The following RNFT2 variants were observed in gnomAD, a reference collection of about 807,000 sequenced individuals.
RNFT2 encodes the protein E3 ubiquitin-protein ligase RNFT2.
In RNFT2, 36 loss-of-function variants were observed where a neutral mutation model predicts 53.0. The observed-to-expected ratio is 0.68, with a 90% CI of 0.52 to 0.90. The LOEUF is 0.90. Ranked by LOEUF, RNFT2 falls within the 40% of genes least tolerant of loss-of-function variation. The probability of loss-of-function intolerance (pLI) is 0.00; values close to 1 mark genes in which losing one functional copy is unlikely to be tolerated. For synonymous variants in RNFT2, 260 were observed against 253.2 expected, an observed-to-expected ratio of 1.03 and a Z score of -0.26; for missense variants, 514 against 585.6, an observed-to-expected ratio of 0.88 and a Z score of 1.26.
chr12:116,743,723 C>G (rs1401466438), intron 3 of RNFT2, among the ~76,000 whole-genome samples: 1 of 152,198 alleles, frequency 6.6e-6, no homozygotes, highest in Non-Finnish European at 1.5e-5. Flanking sequence ...CCCCCTGCGA[C>G]TCTGGGGTTG....
chr12:116,831,822 G>A (rs1876667874), intron 7 of RNFT2, among the ~76,000 whole-genome samples: 1 of 151,752 alleles, frequency 6.6e-6, no homozygotes, highest in Non-Finnish European at 1.5e-5. Context: ...TCCCAATCAA[G>A]ATATAAAATA....
intron 7 of RNFT2, among the ~76,000 whole-genome samples, chr12:116,826,037 A>G (rs981181031): frequency 6.6e-6 from 1 of 152,152 alleles, no homozygotes; most frequent in African/African-American, 2.4e-5. Flanking sequence ...GAAGCTGCTG[A>G]CAGATACTTG....
Position 116,811,572 on chromosome 12 carries a change from C to T in RNFT2, c.883-22220C>T, listed in dbSNP as rs375312021. Among the ~76,000 whole-genome samples the T allele has an allele frequency of 1.1e-4, 16 of 152,282 alleles. No individual in the cohort carries two copies. The South Asian group carries it at 1.9e-3, about 18-fold the overall frequency. On this transcript the variant is annotated intron_variant, in intron 7 of 10. Coordinates refer to ENST00000257575, the MANE Select transcript of RNFT2 (RefSeq NM_001382266.1). The stretch of plus-strand genomic sequence containing the variant: ...TGTATTTTTAGTAGAGACGAGTTTT[C>T]GCCATGTTGGCCAGGCTGATCTTAA...
At chr12:116,845,929 C>T (rs955972271) in intron 10 of RNFT2, among the ~76,000 whole-genome samples, 1 of 152,134 alleles carries the variant, frequency 6.6e-6, no homozygotes, top group Non-Finnish European at 1.5e-5. Context: ...CTATCCCATC[C>T]CCTCTCTTCT....
chr12:116,837,478 G>T (rs991779998), intron 10 of RNFT2, among the ~76,000 whole-genome samples: 1 of 152,296 alleles, frequency 6.6e-6, no homozygotes, highest in Middle Eastern at 3.4e-3. Context: ...AGGCTTACGG[G>T]TAGGGGGATA....
At chr12:116,745,847 G>A (rs1871867640) in intron 3 of RNFT2, among the ~76,000 whole-genome samples, 2 of 152,186 alleles carry the variant, frequency 1.3e-5, no homozygotes, top group South Asian at 2.1e-4. Context: ...GGGTGGTAAA[G>A]ATACAGTGGG....
intron 7 of RNFT2, among the ~76,000 whole-genome samples, chr12:116,830,226 A>G (rs184287239): frequency 6.6e-5 from 10 of 152,302 alleles, no homozygotes; most frequent in African/African-American, 2.4e-4. Context: ...CTACTAACCT[A>G]AAGACCTCAT....
intron 7 of RNFT2, among the ~76,000 whole-genome samples, chr12:116,788,983 TGGG>T (rs1874073770): frequency 7.2e-6 from 1 of 138,476 alleles, no homozygotes; most frequent in African/African-American, 2.8e-5. Flanking sequence ...GATGGATGGA[TGGG>T]TAGATAAATG....
At position 116,852,663 on chromosome 12, in the gene RNFT2, G is replaced by T; in HGVS notation, c.*3215G>T. 2 of 1,614,014 alleles carry T rather than the reference G, an allele frequency of 1.2e-6. No homozygotes were observed. Among genetic ancestry groups the T allele is most frequent in the Non-Finnish European group, 1.7e-6 (2 of 1,179,886 alleles). On this transcript the variant is annotated 3_prime_UTR_variant, in exon 11 of 11. Transcript: ENST00000257575. ...TCCTGCCTGCAGATGCTGTTGAAGG[G>T]GCACAAGAAATTGGAGCTGGAGAAG...
chr12:116,756,916 G>A (rs980920428), intron 5 of RNFT2, among the ~76,000 whole-genome samples: 14 of 152,008 alleles, frequency 9.2e-5, no homozygotes, highest in South Asian at 2.1e-4. Context: ...CCAATTCTTC[G>A]AATGTCTGGT....
chr12:116,841,459 A>C (rs76788182), intron 10 of RNFT2, among the ~76,000 whole-genome samples: 1 of 150,284 alleles, frequency 6.7e-6, no homozygotes, highest in Non-Finnish European at 1.5e-5. Context: ...TCTCAAAAAA[A>C]TAAAATGACT....
rs1491208112 is a variant in RNFT2, at chr12:116,743,245, C to CAAA, written c.83+2151_83+2152insAAA. 2.6e-4 allele frequency among the ~76,000 whole-genome samples: 7 copies of CAAA among 27,174 alleles called. 1 individual carries two copies. Among genetic ancestry groups the CAAA allele is most frequent in the Non-Finnish European group, 4.0e-4 (6 of 15,158 alleles). The allele number at this position is 27,174 out of a possible 152,430, so 17.8% of individuals were successfully genotyped here. A position where few individuals can be genotyped will look rare whatever the true frequency, so the allele number is the denominator to read the frequency against. On this transcript the variant is annotated intron_variant, in intron 3 of 10. Transcript: ENST00000257575. ...AAAAAAAAAAAAAAAAAAAAAAAAA[C>CAAA]CGGTTAAAAAACACTCATGAGCTAG...
At chr12:116,848,580 C>G (rs1009629005) in intron 10 of RNFT2, among the ~76,000 whole-genome samples, 1 of 152,126 alleles carries the variant, frequency 6.6e-6, no homozygotes, top group Non-Finnish European at 1.5e-5. Flanking sequence ...CCCCAACAAC[C>G]CCAGCCCAGC....
At chr12:116,825,885 T>G (rs1876303390) in intron 7 of RNFT2, among the ~76,000 whole-genome samples, 1 of 152,194 alleles carries the variant, frequency 6.6e-6, no homozygotes, top group Non-Finnish European at 1.5e-5. Context: ...CCCACGCCTT[T>G]AAACCACTAG....
At chr12:116,755,786 T>C in intron 5 of RNFT2, 2 of 1,531,136 alleles carry the variant, frequency 1.3e-6, no homozygotes, top group South Asian at 1.1e-5. Context: ...GATTCACATA[T>C]ACATGGCCAA....
chr12:116,828,536 A>G (rs1876463687), intron 7 of RNFT2, among the ~76,000 whole-genome samples: 1 of 152,182 alleles, frequency 6.6e-6, no homozygotes, highest in Admixed American at 6.5e-5. Context: ...GGTCTTCCTC[A>G]TTGGGTAGCA....
chr12:116,826,216 GAT>G (rs1241727792), intron 7 of RNFT2, among the ~76,000 whole-genome samples: 4 of 151,936 alleles, frequency 2.6e-5, no homozygotes, highest in African/African-American at 9.7e-5. Context: ...CTGTTGTTTC[GAT>G]GTTTCCCATT....
At chr12:116,762,234 GC>G (rs1181970873) in intron 5 of RNFT2, among the ~76,000 whole-genome samples, 2 of 151,946 alleles carry the variant, frequency 1.3e-5, no homozygotes, top group Non-Finnish European at 2.9e-5. Flanking sequence ...TACAAAATTA[GC>G]CAGCCATGGT....
rs369734304 is a variant in RNFT2 at position 116,779,234 on chromosome 12, C to T, written c.768C>T (p.Phe256=). 1 of 1,613,914 alleles carries T rather than the reference C, an allele frequency of 6.2e-7. No homozygotes were observed. Among genetic ancestry groups the T allele is most frequent in the African/African-American group, 1.3e-5 (1 of 74,940 alleles). The stretch of plus-strand genomic sequence containing the variant: ...AGCCCAACCTGGAGATGCTGGACTT[C>T]TTTGACCTGCTATGGATTGTGGGGA... ...FLKPNLEMLD[F]FDLLWIVGIA... Residue 256 remains phenylalanine, a synonymous_variant, in exon 7 of 11, where the codon TTC becomes TTT. Transcript: ENST00000257575.
Sources: gnomAD v4.1 joint callset for allele counts (sites outside exome capture counted in the v4.1 genomes callset) on GRCh38, gnomAD v4.1.1 for gene constraint, MANE v1.5 for transcripts, NCBI Gene and HGNC (gene_info 2026-07-23, HGNC 2026-07-21) for gene names.